Variants in DGKH observed in about 807,000 individuals in gnomAD.
The protein encoded by DGKH is diacylglycerol kinase eta.
In DGKH, 90 loss-of-function variants were observed where a neutral mutation model predicts 159.3. The observed-to-expected ratio is 0.57, with a 90% CI of 0.48 to 0.67. The LOEUF (loss-of-function observed/expected upper bound fraction) is 0.67, where lower values mean the gene tolerates loss of function less well. Ranked by LOEUF, DGKH falls within the 30% of genes least tolerant of loss-of-function variation. The pLI is 0.00. For synonymous variants in DGKH, 536 were observed against 553.8 expected (o/e 0.97, Z 0.45); for missense variants, 1,181 against 1,506.1 (o/e 0.78, Z 3.57).
intron 26 of DGKH, among the ~76,000 whole-genome samples, chr13:42,218,944 T>TCAGAAAAA (rs1957885810): frequency 6.6e-6 from 1 of 152,148 alleles, no homozygotes; most frequent in African/African-American, 2.4e-5. Flanking sequence ...AGAAGACATT[T>TCAGAAAAA]ACACAGAAAA....
chr13:42,172,521 A>G (rs1476309626), intron 11 of DGKH, among the ~76,000 whole-genome samples: 1 of 152,218 alleles, frequency 6.6e-6, no homozygotes, highest in Admixed American at 6.5e-5. Flanking sequence ...TTATTCTCAT[A>G]GGCTGAATGA....
chr13:42,206,084 G>A lies in DGKH; in HGVS notation c.2539G>A (p.Val847Met), dbSNP rs1229586089. Reference protein sequence around the residue: ...IPLPSLQGIAVLNIPSYAGGT... With the variant: ...IPLPSLQGIAMLNIPSYAGGT... The stretch of plus-strand genomic sequence containing the variant: ...TCTTCCCAGCTTGCAAGGCATAGCC[G>A]TGTTGAACATTCCCAGCTATGCTGG... The change falls in exon 21 of 30, where the codon GTG (valine) becomes ATG (methionine). Residue 847 changes from valine (V) to methionine (M), a missense_variant. Transcript: ENST00000337343. The A allele has an allele frequency of 3.4e-6, 5 of 1,458,834 alleles. No homozygotes were observed. The highest frequency in any genetic ancestry group is 1.6e-5 in the South Asian group (1 of 64,014). 90.4% of individuals were successfully genotyped at this position (1,458,834 alleles called of 1,614,324 possible).
At chr13:42,166,709 A>G (rs111827368) in intron 9 of DGKH, 35 bp downstream of exon 9, 5 of 1,512,882 alleles carry the variant, frequency 3.3e-6, no homozygotes, top group African/African-American at 1.4e-5. Context: ...TTTGAATACA[A>G]TGTAGGACTA....
chr13:42,155,821 G>A (rs1187215806), intron 5 of DGKH, 22 bp downstream of exon 5: 3 of 1,613,436 alleles, frequency 1.9e-6, no homozygotes, highest in Non-Finnish European at 2.5e-6. Flanking sequence ...CCTAGCATGT[G>A]TTTTCTCCCA....
At chr13:42,252,481 G>A (rs1318677823) in exon 30 of DGKH, 1 of 152,310 alleles carries the variant, frequency 6.6e-6, no homozygotes, top group Non-Finnish European at 1.5e-5. Context: ...TCCTTTAGGA[G>A]GTAAGTGGCC....
intron 26 of DGKH, chr13:42,216,774 G>A (rs758264642): frequency 5.9e-5 from 9 of 152,260 alleles, no homozygotes; most frequent in Admixed American, 2.6e-4. Flanking sequence ...AAGAAACATT[G>A]GTTATCTCTT....
chr13:42,245,452 A>T (rs113189237), downstream of DGKH, among the ~76,000 whole-genome samples: 1 of 152,338 alleles, frequency 6.6e-6, no homozygotes, highest in African/African-American at 2.4e-5. Context: ...TCACCTATAG[A>T]TTGAATGCAA....
Position 42,236,886 on chromosome 13 carries a change from G to GTCC in DGKH, c.*7698_*7699insTCC, listed in dbSNP as rs1958424507. ...CCACTGCACTCCAGCCTGGGCGACA[G>GTCC]AGCGAGACTCTGTCTCAGGGGGAAA... is the stretch of plus-strand genomic sequence containing the variant. On this transcript the variant is annotated 3_prime_UTR_variant, in exon 30 of 30. Transcript: ENST00000337343. The GTCC allele has an allele frequency of 6.6e-5, 10 of 151,944 alleles. No homozygotes were observed. The highest frequency in any genetic ancestry group is 6.6e-4 in the Admixed American group (10 of 15,236). The allele number at this position is 151,944 out of a possible 1,614,324, so 9.4% of individuals were successfully genotyped here.
chr13:42,165,055 C>G (rs1956278061), intron 7 of DGKH, among the ~76,000 whole-genome samples: 1 of 152,006 alleles, frequency 6.6e-6, no homozygotes, highest in Non-Finnish European at 1.5e-5. Context: ...TTGGTCTCTT[C>G]TCTTTCTCTC....
At chr13:42,052,222 A>G (rs931805047) in intron 1 of DGKH, among the ~76,000 whole-genome samples, 3 of 152,198 alleles carry the variant, frequency 2.0e-5, no homozygotes, top group South Asian at 4.1e-4. Context: ...TAAAATCCTC[A>G]TGTGTATTTT....
At chr13:42,215,441 T>G (rs886709843) in intron 25 of DGKH, 134 bp from the exon 26 acceptor site, 1 of 592,006 alleles carries the variant, frequency 1.7e-6, no homozygotes, top group African/African-American at 1.8e-5. Flanking sequence ...TATGAAACTT[T>G]GCGATTATAG....
chr13:42,178,862 A>G (rs1381463216), intron 13 of DGKH, among the ~76,000 whole-genome samples: 2 of 152,244 alleles, frequency 1.3e-5, no homozygotes, highest in Non-Finnish European at 2.9e-5. Context: ...ACTGATAAGC[A>G]AAAGAATGCA....
chr13:42,124,942 C>T (rs1213012453), intron 1 of DGKH, among the ~76,000 whole-genome samples: 1 of 152,146 alleles, frequency 6.6e-6, no homozygotes, highest in East Asian at 1.9e-4. Flanking sequence ...TCTCAGGAGA[C>T]CTCTCTTACC....
At chr13:42,108,182 A>T (rs1161547377) in intron 1 of DGKH, among the ~76,000 whole-genome samples, 1 of 152,150 alleles carries the variant, frequency 6.6e-6, no homozygotes, top group East Asian at 1.9e-4. Flanking sequence ...GCATTTCTTC[A>T]TAGGGGGTCA....
chr13:42,199,704 T>G, intron 19 of DGKH, 28 bp downstream of exon 19: 1 of 1,569,572 alleles, frequency 6.4e-7, no homozygotes, highest in Non-Finnish European at 8.6e-7. Context: ...AATAATGCTA[T>G]TACATAAAGG....
chr13:42,118,613 C>T (rs1594052130), intron 1 of DGKH, among the ~76,000 whole-genome samples: 1 of 152,322 alleles, frequency 6.6e-6, no homozygotes, highest in East Asian at 1.9e-4. Flanking sequence ...CCTACCCCTA[C>T]GGGGTCAAGG....
intron 23 of DGKH, among the ~76,000 whole-genome samples, chr13:42,210,253 C>G (rs1957617071): frequency 6.6e-6 from 1 of 151,928 alleles, no homozygotes; most frequent in African/African-American, 2.4e-5. Flanking sequence ...TCACTGCAAC[C>G]TTAAACTCCT....
chr13:42,221,116 A>G (rs2080786335), intron 28 of DGKH, 148 bp from the exon 29 acceptor site: 2 of 1,023,072 alleles, frequency 2.0e-6, no homozygotes, highest in Middle Eastern at 2.7e-4. Context: ...AAAAAGTGGA[A>G]CTATGGTTTT....
downstream of DGKH, among the ~76,000 whole-genome samples, chr13:42,244,822 T>C (rs940805654): frequency 7.5e-6 from 1 of 132,796 alleles, no homozygotes; most frequent in African/African-American, 2.8e-5. Flanking sequence ...GAGAATGGCG[T>C]GAACCCGGGA....
Sources: allele counts gnomAD v4.1 joint callset (sites outside exome capture counted in the v4.1 genomes callset), GRCh38; gene constraint gnomAD v4.1.1; transcripts MANE v1.5; gene names NCBI Gene and HGNC (gene_info 2026-07-23, HGNC 2026-07-21).